The following BTBD8 variants were observed in gnomAD, a reference collection of about 807,000 sequenced individuals.
The protein encoded by BTBD8 is BTB domain containing 8.
A neutral mutation model predicts 162.9 loss-of-function variants in BTBD8; 110 were observed. The ratio of observed to expected loss-of-function variants is 0.68; its 90% CI spans 0.58 to 0.79. The LOEUF (loss-of-function observed/expected upper bound fraction) is 0.79. Ranked by LOEUF, BTBD8 falls within the 30% of genes least tolerant of loss-of-function variation. The pLI is 0.00. For missense variants in BTBD8, 1,905 were observed against 2,085.4 expected (o/e 0.91, Z 1.68); for synonymous variants, 667 against 716.1 (o/e 0.93, Z 1.10).
chr1:92,140,703 A>AT (rs1272029626), intron 6 of BTBD8, among the ~76,000 whole-genome samples: 1 of 152,226 alleles, frequency 6.6e-6, no homozygotes, highest in Admixed American at 6.5e-5. Flanking sequence ...TCTTAGGGTT[A>AT]TTTGTAGACA....
At position 92,140,399 on chromosome 1, in the gene BTBD8, A is replaced by G. The variant is rs142137583; in HGVS notation, c.834-716A>G. Among the ~76,000 whole-genome samples, 267 of 152,276 alleles carry G rather than the reference A, an allele frequency of 1.8e-3. 3 individuals carry two copies. Among genetic ancestry groups the G allele is most frequent in the African/African-American group, 5.9e-3 (244 of 41,560 alleles). On this transcript the variant is annotated intron_variant, in intron 6 of 17. Transcript: ENST00000636805. ...TCACCTTGCTCTTTTAATTTTCTAGATGTCTTCCATTTTCTTGCTATTCTA... is the reference window on the plus strand; with the variant it reads ...TCACCTTGCTCTTTTAATTTTCTAGGTGTCTTCCATTTTCTTGCTATTCTA...
chr1:92,173,913 G>T (rs1008736199), intron 13 of BTBD8, among the ~76,000 whole-genome samples: 3 of 152,192 alleles, frequency 2.0e-5, no homozygotes, highest in Non-Finnish European at 4.4e-5. Context: ...AAGTTAATCA[G>T]ATAAGACAGG....
intron 8 of BTBD8, 127 bp downstream of exon 8, chr1:92,147,395 C>G: frequency 1.4e-6 from 1 of 724,468 alleles, no homozygotes; most frequent in Non-Finnish European, 2.2e-6. Context: ...TAGCTTAGTG[C>G]TAAACTAGTT....
In BTBD8 at chr1:92,081,172, G is replaced by A. The variant is rs56758680; in HGVS notation, c.149+452G>A. Among the ~76,000 whole-genome samples, 487 of 152,238 alleles carry A rather than the reference G, an allele frequency of 3.2e-3. 3 individuals carry two copies. Among genetic ancestry groups the A allele is most frequent in the African/African-American group, 0.011 (469 of 41,536 alleles). On this transcript the variant is annotated intron_variant, in intron 1 of 17. Transcript: ENST00000636805. Reference sequence around the variant, plus strand: ...CTATAGTCTTGGAGGTCTCTTCTGAGGTCTCTTTAAACAATTTACCAGAAA... The same window carrying A: ...CTATAGTCTTGGAGGTCTCTTCTGAAGTCTCTTTAAACAATTTACCAGAAA...
At chr1:92,163,639 C>G (rs1480864156) in intron 9 of BTBD8, among the ~76,000 whole-genome samples, 1 of 151,682 alleles carries the variant, frequency 6.6e-6, no homozygotes, top group Non-Finnish European at 1.5e-5. Flanking sequence ...AAGGACAAAG[C>G]TTCCACAGTG....
At chr1:92,121,737 C>T (rs959549271) in intron 4 of BTBD8, among the ~76,000 whole-genome samples, 2 of 152,144 alleles carry the variant, frequency 1.3e-5, no homozygotes, top group East Asian at 1.9e-4. Flanking sequence ...AGTACCTATC[C>T]CTACCCCAGC....
rs1323017382 is a variant in BTBD8 at position 92,107,949 on chromosome 1, TG to T, written c.611del (p.Cys204PhefsTer21). 1.2e-6 allele frequency: 2 copies of T among 1,614,088 alleles called. No individual in the cohort carries two copies. The highest frequency in any genetic ancestry group is 1.7e-6 in the Non-Finnish European group (2 of 1,180,038). ...EDLLKLYVKP[C>X]CPDIDIFVDG... The stretch of plus-strand genomic sequence containing the variant: ...TTTATTGAAGCTTTATGTGAAACCT[TG>T]TTGCCCAGATATTGATATTTTTGTT... On this transcript the variant is annotated frameshift_variant, in exon 4 of 18. Transcript: ENST00000636805. LOFTEE classifies it high-confidence loss of function.
chr1:92,143,301 A>T (rs958641011), intron 7 of BTBD8, among the ~76,000 whole-genome samples: 1 of 151,842 alleles, frequency 6.6e-6, no homozygotes, highest in African/African-American at 2.4e-5. Context: ...TCTTGGGACC[A>T]TTGCCTCTAT....
intron 2 of BTBD8, among the ~76,000 whole-genome samples, chr1:92,094,712 C>T (rs1014794060): frequency 1.3e-5 from 2 of 152,138 alleles, no homozygotes; most frequent in South Asian, 2.1e-4. Flanking sequence ...AAATTCAATT[C>T]AGGATCATAA....
chr1:92,101,171 T>C (rs1171561046), intron 2 of BTBD8, among the ~76,000 whole-genome samples: 2 of 152,224 alleles, frequency 1.3e-5, no homozygotes, highest in African/African-American at 2.4e-5. Context: ...AATGAGAACA[T>C]ATGATGTTTT....
chr1:92,124,530 A>G (rs1206199481), intron 4 of BTBD8, among the ~76,000 whole-genome samples: 1 of 152,220 alleles, frequency 6.6e-6, no homozygotes, highest in Non-Finnish European at 1.5e-5. Context: ...GCAGTGGGCT[A>G]TGATTGTGCT....
rs1187390957 is a variant in BTBD8 at position 92,180,276 on chromosome 1, G to C, written c.2593G>C (p.Glu865Gln). The C allele has an allele frequency of 3.9e-6, 6 of 1,540,632 alleles. No individual in the cohort carries two copies. Among genetic ancestry groups the C allele is most frequent in the Non-Finnish European group, 4.4e-6 (5 of 1,143,334 alleles). Residue 865 changes from glutamate (E) to glutamine (Q), a missense_variant, in exon 17 of 18, where the codon GAG becomes CAG. Glu to Gln is a conservative substitution (Grantham distance 29). This residue lies in a region of BTBD8 where 1,374 missense variants were observed against 1,442.7 expected (regional missense o/e 0.95). Coordinates refer to ENST00000636805, the MANE Select transcript of BTBD8 (RefSeq NM_001376131.1). Reference protein sequence around the residue: ...NLTKTQGSQGESPNSVKSSVS... With the variant: ...NLTKTQGSQGQSPNSVKSSVS... ...CTTACTTTTCTTAGGATCCCAAGGA[G>C]AGTCACCAAACTCAGTAAAATCTTC...
At chr1:92,121,708 C>G (rs75890858) in intron 4 of BTBD8, among the ~76,000 whole-genome samples, 1 of 152,196 alleles carries the variant, frequency 6.6e-6, no homozygotes, top group Non-Finnish European at 1.5e-5. Context: ...AAAAAGTCCC[C>G]TTGTACCCAT....
At chr1:92,168,781 G>A in intron 11 of BTBD8, 85 bp from the exon 12 acceptor site, 2 of 1,269,386 alleles carry the variant, frequency 1.6e-6, no homozygotes. Flanking sequence ...TCTAGCTTAG[G>A]AGTAAGTAGA....
chr1:92,157,263 G>A (rs1195088340), intron 9 of BTBD8, among the ~76,000 whole-genome samples: 1 of 151,980 alleles, frequency 6.6e-6, no homozygotes, highest in African/African-American at 2.4e-5. Context: ...ATTCCATTGT[G>A]TTCAGAAAAG....
intron 4 of BTBD8, among the ~76,000 whole-genome samples, chr1:92,113,370 G>A (rs986638822): frequency 3.3e-5 from 5 of 152,196 alleles, no homozygotes; most frequent in African/African-American, 9.6e-5. Context: ...AAATGTATTA[G>A]GCTAAATGTA....
intron 3 of BTBD8, among the ~76,000 whole-genome samples, chr1:92,105,059 A>G (rs923952195): frequency 1.2e-4 from 18 of 151,834 alleles, no homozygotes; most frequent in Non-Finnish European, 2.4e-4. Context: ...CAGCCTCCCA[A>G]GTAGCTGGAA....
At chr1:92,173,257 A>G (rs948101000) in intron 13 of BTBD8, among the ~76,000 whole-genome samples, 1 of 152,216 alleles carries the variant, frequency 6.6e-6, no homozygotes, top group Admixed American at 6.5e-5. Context: ...GACGATGCAT[A>G]TTATACCTTG....
chr1:92,117,373 T>C (rs563070234), intron 4 of BTBD8, among the ~76,000 whole-genome samples: 2 of 152,002 alleles, frequency 1.3e-5, no homozygotes, highest in South Asian at 4.1e-4. Flanking sequence ...TTAGCAGGCA[T>C]TTAAGTTATT....
Sources: gnomAD v4.1 joint callset for allele counts (sites outside exome capture counted in the v4.1 genomes callset) on GRCh38, gnomAD v4.1.1 for gene constraint, gnomAD v4.1.1 regional missense constraint, MANE v1.5 for transcripts, NCBI Gene and HGNC (gene_info 2026-07-23, HGNC 2026-07-21) for gene names.